NRG3: variants seen among roughly 807,000 people sequenced by gnomAD.
The protein encoded by NRG3 is neuregulin 3.
NRG3 carries 31 observed loss-of-function variants against 66.9 expected under a neutral mutation model. That is an observed-to-expected ratio of 0.46 (90% CI 0.35 to 0.63). The LOEUF (loss-of-function observed/expected upper bound fraction) is 0.63, where lower values mean the gene tolerates loss of function less well. Among genes scored for constraint, NRG3 ranks in the 20% least tolerant of loss-of-function variants. NRG3 has a pLI of 0.00. For synonymous variants in NRG3, 393 were observed against 359.4 expected, an observed-to-expected ratio of 1.09 and a Z score of -1.06; for missense variants, 910 against 878.9, an observed-to-expected ratio of 1.04 and a Z score of -0.45.
At chr10:81,987,510 C>T (rs1396029299) in intron 1 of NRG3, among the ~76,000 whole-genome samples, 1 of 152,110 alleles carries the variant, frequency 6.6e-6, no homozygotes, top group Non-Finnish European at 1.5e-5. Context: ...AGCAAATCAA[C>T]CTGATGTGAG....
intron 3 of NRG3, among the ~76,000 whole-genome samples, chr10:82,800,026 T>C (rs138785603): frequency 4.8e-4 from 73 of 152,290 alleles, no homozygotes; most frequent in Non-Finnish European, 7.8e-4. Context: ...TCTGGATAGG[T>C]CCCTTGACTT....
intron 2 of NRG3, among the ~76,000 whole-genome samples, chr10:82,375,833 T>A (rs1197718976): frequency 6.6e-6 from 1 of 152,192 alleles, no homozygotes; most frequent in African/African-American, 2.4e-5. Flanking sequence ...GGGTGATCCG[T>A]CGCAATTTCA....
intron 3 of NRG3, among the ~76,000 whole-genome samples, chr10:82,842,054 C>T (rs774765962): frequency 6.6e-6 from 1 of 152,090 alleles, no homozygotes; most frequent in African/African-American, 2.4e-5. Context: ...AGTTTGAGAC[C>T]AGCCTGGTCA....
At position 81,922,491 on chromosome 10, in the gene NRG3, T is replaced by C. The variant is rs568320523; in HGVS notation, c.823+46328T>C. On this transcript the variant is annotated intron_variant, in intron 1 of 8. Coordinates refer to ENST00000372141, the MANE Select transcript of NRG3 (RefSeq NM_001010848.4). Reference sequence around the variant, plus strand: ...GTACATATTATTTAGCTCCTACTTATAGTGTGAACATGCAGTATTTGACTT... The same window carrying C: ...GTACATATTATTTAGCTCCTACTTACAGTGTGAACATGCAGTATTTGACTT... 6.4e-4 allele frequency among the ~76,000 whole-genome samples: 98 copies of C among 152,346 alleles called. No individual in the cohort carries two copies. The South Asian group carries it at 0.019, about 30-fold the overall frequency.
chr10:82,056,372 C>CA (rs1401917304), intron 1 of NRG3, among the ~76,000 whole-genome samples: 5 of 151,932 alleles, frequency 3.3e-5, no homozygotes, highest in Non-Finnish European at 5.9e-5. Flanking sequence ...AAAGGAATGC[C>CA]ATAGGCTCAC....
intron 4 of NRG3, among the ~76,000 whole-genome samples, chr10:82,883,918 T>C (rs1842501285): frequency 6.6e-6 from 1 of 151,838 alleles, no homozygotes; most frequent in African/African-American, 2.4e-5. Flanking sequence ...CTCCAGGAGA[T>C]AGCTTTGTAA....
chr10:82,030,834 C>T (rs769785856), intron 1 of NRG3, among the ~76,000 whole-genome samples: 4 of 151,962 alleles, frequency 2.6e-5, no homozygotes, highest in African/African-American at 7.2e-5. Flanking sequence ...TTTAAAACAA[C>T]GTTCAGAGTA....
intron 2 of NRG3, among the ~76,000 whole-genome samples, chr10:82,362,591 G>A (rs534016037): frequency 7.5e-6 from 1 of 134,068 alleles, no homozygotes; most frequent in Non-Finnish European, 1.6e-5. Context: ...GGCCTCACTA[G>A]GTTGCCCAGG....
intron 2 of NRG3, among the ~76,000 whole-genome samples, chr10:82,590,827 G>A (rs1460885960): frequency 6.6e-6 from 1 of 152,154 alleles, no homozygotes; most frequent in Non-Finnish European, 1.5e-5. Flanking sequence ...CCAAGGTGTT[G>A]GGTGCAAAGG....
chr10:82,904,231 A>G (rs1249250535), intron 4 of NRG3, among the ~76,000 whole-genome samples: 2 of 152,062 alleles, frequency 1.3e-5, no homozygotes. Flanking sequence ...CTCAACAGCT[A>G]TTGTTAGTTT....
At chr10:82,396,983 A>C (rs902732008) in intron 2 of NRG3, among the ~76,000 whole-genome samples, 12 of 152,176 alleles carry the variant, frequency 7.9e-5, no homozygotes, top group Non-Finnish European at 1.5e-4. Flanking sequence ...CAGGCTCTGT[A>C]ACTTTTCTCA....
chr10:82,120,210 G>T (rs1289294399), intron 1 of NRG3, among the ~76,000 whole-genome samples: 1 of 152,018 alleles, frequency 6.6e-6, no homozygotes, highest in Non-Finnish European at 1.5e-5. Context: ...CCCAGAAAGT[G>T]ACCCAGTAAA....
At chr10:82,061,396 G>T (rs916102613) in intron 1 of NRG3, among the ~76,000 whole-genome samples, 44 of 151,990 alleles carry the variant, frequency 2.9e-4, no homozygotes, top group African/African-American at 1.0e-3. Flanking sequence ...TTTAAAACAG[G>T]TAGGGTGACC....
chr10:82,949,346 G>C (rs1205367200), intron 4 of NRG3, among the ~76,000 whole-genome samples: 1 of 151,552 alleles, frequency 6.6e-6, no homozygotes, highest in Non-Finnish European at 1.5e-5. Context: ...TTTTGGTTAG[G>C]TCTTCGTCTT....
intron 2 of NRG3, among the ~76,000 whole-genome samples, chr10:82,737,924 A>T (rs1238639825): frequency 1.3e-5 from 2 of 152,202 alleles, no homozygotes; most frequent in African/African-American, 2.4e-5. Flanking sequence ...GGCAGAAAGT[A>T]GACACTTTGC....
At chr10:81,941,964 C>T (rs1848441573) in intron 1 of NRG3, among the ~76,000 whole-genome samples, 1 of 152,222 alleles carries the variant, frequency 6.6e-6, no homozygotes, top group East Asian at 1.9e-4. Context: ...TTTATCTCTC[C>T]TCCAACAGAA....
chr10:82,390,116 A>G (rs1291372803), intron 2 of NRG3, among the ~76,000 whole-genome samples: 1 of 152,144 alleles, frequency 6.6e-6, no homozygotes, highest in Admixed American at 6.5e-5. Flanking sequence ...CAAGAGTACA[A>G]ACCTATCTGT....
chr10:82,565,241 T>C (rs1241547452), intron 2 of NRG3, among the ~76,000 whole-genome samples: 2 of 152,126 alleles, frequency 1.3e-5, no homozygotes, highest in African/African-American at 4.8e-5. Flanking sequence ...AGAGAATCAT[T>C]GTTTCTCCTT....
intron 1 of NRG3, among the ~76,000 whole-genome samples, chr10:81,938,815 G>C (rs534693680): frequency 9.2e-5 from 14 of 152,154 alleles, no homozygotes; most frequent in African/African-American, 3.4e-4. Context: ...AGTGGTGAGA[G>C]TGGGTATCCT....
Sources: allele counts gnomAD v4.1 joint callset (sites outside exome capture counted in the v4.1 genomes callset), GRCh38; gene constraint gnomAD v4.1.1; transcripts MANE v1.5; gene names NCBI Gene and HGNC (gene_info 2026-07-23, HGNC 2026-07-21).